Variants in CPNE2 observed in about 807,000 individuals in gnomAD.
CPNE2 encodes copine 2, also known as copine-2.
In CPNE2, 42 loss-of-function variants were observed where a neutral mutation model predicts 69.7. The observed-to-expected ratio is 0.60, with a 90% CI of 0.47 to 0.78. The LOEUF (loss-of-function observed/expected upper bound fraction) is 0.78. Ranked by LOEUF, CPNE2 falls within the 30% of genes least tolerant of loss-of-function variation. The pLI, the probability that CPNE2 is intolerant of heterozygous loss-of-function variation, is 0.00. For missense variants in CPNE2, 587 were observed against 732.0 expected, an observed-to-expected ratio of 0.80 and a Z score of 2.29; for synonymous variants, 294 against 289.8, an observed-to-expected ratio of 1.01 and a Z score of -0.15.
chr16:57,138,326 T>G (rs2069897772), intron 14 of CPNE2, among the ~76,000 whole-genome samples: 1 of 152,004 alleles, frequency 6.6e-6, no homozygotes, highest in Admixed American at 6.6e-5. Context: ...TGGCCACAGG[T>G]CTCTCAGTGG....
At position 57,099,440 on chromosome 16, in the gene CPNE2, G is replaced by A. The variant is rs1043376063; in HGVS notation, c.-36+6650G>A. 5.9e-5 allele frequency among the ~76,000 whole-genome samples: 9 copies of A among 152,254 alleles called. 1 individual carries two copies. The highest frequency in any genetic ancestry group is 4.6e-4 in the Admixed American group (7 of 15,276). On this transcript the variant is annotated intron_variant, in intron 1 of 15. Coordinates refer to ENST00000290776, the MANE Select transcript of CPNE2 (RefSeq NM_152727.6). ...TGTGTGTATCTTTGGGTGAACATAC[G>A]TGAGTGTTTTCGTTGGGCACTAATG... is the stretch of plus-strand genomic sequence containing the variant.
chr16:57,145,757 A>T, intron 14 of CPNE2: 1 of 329,360 alleles, frequency 3.0e-6, no homozygotes, highest in Non-Finnish European at 5.7e-6. Flanking sequence ...AGTTGCCTAG[A>T]GTCCCACAGT....
chr16:57,136,323 A>G, intron 13 of CPNE2, among the ~76,000 whole-genome samples: 1 of 152,232 alleles, frequency 6.6e-6, no homozygotes, highest in Non-Finnish European at 1.5e-5. Flanking sequence ...GCAGGGCTAC[A>G]GGGCAGTGTG....
intron 1 of CPNE2, among the ~76,000 whole-genome samples, chr16:57,096,127 A>G (rs1463890803): frequency 6.6e-6 from 1 of 152,192 alleles, no homozygotes; most frequent in Non-Finnish European, 1.5e-5. Flanking sequence ...TGTGATGTTG[A>G]GTGATGGATC....
At chr16:57,100,434 G>A (rs1298727764) in intron 1 of CPNE2, among the ~76,000 whole-genome samples, 2 of 152,228 alleles carry the variant, frequency 1.3e-5, no homozygotes, top group African/African-American at 4.8e-5. Context: ...CGAAAGCCAT[G>A]GAGAGGTTTT....
chr16:57,123,427 A>C lies in CPNE2; in HGVS notation c.881A>C (p.Tyr294Ser), dbSNP rs1275789908. 6.2e-7 allele frequency: 1 copy of C among 1,612,498 alleles called. No individual in the cohort carries two copies. Among genetic ancestry groups the C allele is most frequent in the Non-Finnish European group, 8.5e-7 (1 of 1,179,882 alleles). The change falls in exon 10 of 16, where the codon TAC becomes TCC. Residue 294 changes from tyrosine to serine, a missense_variant. Around this residue, in one of 5 missense-constraint regions of CPNE2, gnomAD observed 269 missense variants for 300.5 expected, o/e 0.90. Coordinates refer to ENST00000290776, the MANE Select transcript of CPNE2 (RefSeq NM_152727.6). ...GCTTTCTTCCAGATAAACCGAGACTACTCCTTCCTTGACTACATCCTGGGA... is the reference window on the plus strand; with the variant it reads ...GCTTTCTTCCAGATAAACCGAGACTCCTCCTTCCTTGACTACATCCTGGGA... ...ILRSCKINRD[Y>S]SFLDYILGGC...
At chr16:57,113,536 C>G in intron 3 of CPNE2, 69 bp downstream of exon 3, 1 of 1,491,190 alleles carries the variant, frequency 6.7e-7, no homozygotes, top group Non-Finnish European at 9.1e-7. Context: ...AGTCTCTTCT[C>G]GTGCTGTCTT....
intron 1 of CPNE2, among the ~76,000 whole-genome samples, chr16:57,096,324 A>C (rs1461964150): frequency 6.6e-6 from 1 of 152,006 alleles, no homozygotes. Flanking sequence ...AGAGTTTGAA[A>C]CCCAGTAGCT....
intron 1 of CPNE2, among the ~76,000 whole-genome samples, chr16:57,095,314 T>C (rs969864246): frequency 6.6e-6 from 1 of 152,204 alleles, no homozygotes; most frequent in Non-Finnish European, 1.5e-5. Context: ...CCACAGTGCC[T>C]GAGGACAGAG....
Position 57,137,198 on chromosome 16 carries a change from C to A in CPNE2, c.1218C>A (p.Arg406=), listed in dbSNP as rs762195773. Residue 406 remains arginine (R), a synonymous_variant, in exon 14 of 16, where the codon CGC becomes CGA. Transcript: ENST00000290776. ...QAYSACLPHI[R]FYGPTNFSPI... ...ACTCAGCTTGCCTGCCCCACATCCG[C>A]TTCTACGGTCCTACCAATTTCTCCC... The A allele has an allele frequency of 6.2e-7, 1 of 1,614,128 alleles. No homozygotes were observed. The highest frequency in any genetic ancestry group is 1.7e-5 in the Admixed American group (1 of 60,008).
Position 57,110,734 on chromosome 16 carries a change from C to G in CPNE2, c.-9C>G, listed in dbSNP as rs772657419. ...CTGCCAGGAACTCCTGCCACCGCCA[C>G]CGGCTCCCATGGCCCACATACCCAG... On this transcript the variant is annotated 5_prime_UTR_variant, in exon 2 of 16. Transcript: ENST00000290776. 6.3e-7 allele frequency: 1 copy of G among 1,596,214 alleles called. No individual in the cohort carries two copies. The highest frequency in any genetic ancestry group is 8.5e-7 in the Non-Finnish European group (1 of 1,170,560).
intron 14 of CPNE2, chr16:57,144,959 C>T (rs1192909753): frequency 6.6e-6 from 1 of 152,024 alleles, no homozygotes; most frequent in African/African-American, 2.4e-5. Context: ...AAAAAGAGTT[C>T]TTGGCCAATT....
rs2069747161 is a variant in CPNE2, at chr16:57,119,666, G to T, written c.681+16G>T. 6.3e-7 allele frequency: 1 copy of T among 1,579,656 alleles called. No homozygotes were observed. The highest frequency in any genetic ancestry group is 1.4e-5 in the African/African-American group (1 of 73,862). The stretch of plus-strand genomic sequence containing the variant: ...GCCCATCCAGGTGAGGGGGCTCTGG[G>T]GACCCTGCTCCCCACCTTGCCAGCT... On this transcript the variant is annotated intron_variant, in intron 7 of 15. Transcript: ENST00000290776.
intron 1 of CPNE2, among the ~76,000 whole-genome samples, chr16:57,103,693 A>G (rs1233991990): frequency 1.3e-5 from 2 of 151,918 alleles, no homozygotes. Context: ...GCCCATTTCT[A>G]AGTTGGAGGT....
At chr16:57,138,119 AC>A (rs1284191067) in intron 14 of CPNE2, among the ~76,000 whole-genome samples, 1 of 152,126 alleles carries the variant, frequency 6.6e-6, no homozygotes, top group African/African-American at 2.4e-5. Flanking sequence ...GGAATCAGGC[AC>A]CCAGCCCAGA....
intron 10 of CPNE2, chr16:57,123,699 A>C: frequency 1.8e-6 from 1 of 566,808 alleles, no homozygotes. Context: ...ACAGCTGCAC[A>C]GCTTTCAGTC....
chr16:57,114,538 C>T (rs61670566), intron 3 of CPNE2, among the ~76,000 whole-genome samples: 50,151 of 152,076 alleles, frequency 0.33, 8,460 homozygotes, highest in Middle Eastern at 0.44. Context: ...CCAGGTGGCA[C>T]AGTCCCCAGG....
intron 5 of CPNE2, 77 bp downstream of exon 5, chr16:57,117,644 G>A (rs183845082): frequency 6.0e-6 from 9 of 1,512,510 alleles, no homozygotes; most frequent in Admixed American, 5.5e-5. Context: ...CCTCATTCCG[G>A]GACCTCGGGC....
At chr16:57,119,311 A>G in intron 6 of CPNE2, 33 bp downstream of exon 6, 1 of 1,593,978 alleles carries the variant, frequency 6.3e-7, no homozygotes. Flanking sequence ...ATCTCTAAGC[A>G]GTGGGCCTGC....
Sources: allele counts gnomAD v4.1 joint callset (sites outside exome capture counted in the v4.1 genomes callset), GRCh38; gene constraint gnomAD v4.1.1; regional missense constraint gnomAD v4.1.1; transcripts MANE v1.5; gene names NCBI Gene and HGNC (gene_info 2026-07-23, HGNC 2026-07-21).